Variants in TFDP2 observed in about 807,000 individuals in gnomAD.
TFDP2 encodes transcription factor Dp-2 (E2F dimerization partner 2).
Under a neutral mutation model 59.3 loss-of-function variants are expected in TFDP2, and 17 were observed. The ratio of observed to expected loss-of-function variants is 0.29; its 90% CI spans 0.20 to 0.43. The LOEUF (loss-of-function observed/expected upper bound fraction) is 0.43, where lower values mean the gene tolerates loss of function less well. TFDP2 is among the 20% of genes least tolerant of loss of function. TFDP2 has a pLI of 1.00. For synonymous variants in TFDP2, 180 were observed against 194.7 expected (o/e 0.92, Z 0.63); for missense variants, 391 against 528.8 (o/e 0.74, Z 2.56).
chr3:142,091,356 G>A (rs1345107171), intron 3 of TFDP2, among the ~76,000 whole-genome samples: 1 of 151,974 alleles, frequency 6.6e-6, no homozygotes, highest in Non-Finnish European at 1.5e-5. Context: ...AGGTGTGGTG[G>A]CTTAAACCTG....
At chr3:141,997,444 T>C (rs976270148) in intron 4 of TFDP2, among the ~76,000 whole-genome samples, 5 of 152,156 alleles carry the variant, frequency 3.3e-5, no homozygotes, top group African/African-American at 9.7e-5. Context: ...TCTACAAAGC[T>C]ATTCTAAGCA....
chr3:142,143,812 A>G (rs141946661), intron 1 of TFDP2, among the ~76,000 whole-genome samples: 105 of 152,338 alleles, frequency 6.9e-4, no homozygotes, highest in African/African-American at 2.3e-3. Context: ...GGGAACGTAA[A>G]TTAGTACAAC....
At chr3:142,144,771 G>A (rs2063105786) in intron 1 of TFDP2, among the ~76,000 whole-genome samples, 3 of 152,116 alleles carry the variant, frequency 2.0e-5, no homozygotes, top group East Asian at 3.9e-4. Context: ...GAGCTCCTGG[G>A]CTCAGCAATC....
chr3:142,086,213 T>C (rs1483794385), intron 3 of TFDP2, among the ~76,000 whole-genome samples: 1 of 152,196 alleles, frequency 6.6e-6, no homozygotes, highest in Non-Finnish European at 1.5e-5. Context: ...TTCCAACTCT[T>C]GTACACCATT....
intron 3 of TFDP2, among the ~76,000 whole-genome samples, chr3:142,012,072 G>T (rs1157764396): frequency 2.0e-5 from 3 of 149,166 alleles, no homozygotes; most frequent in African/African-American, 7.4e-5. Context: ...GAGTGCAGTG[G>T]TGTGAGCTTG....
At chr3:142,048,739 A>AT (rs531767280) in intron 3 of TFDP2, among the ~76,000 whole-genome samples, 55 of 151,990 alleles carry the variant, frequency 3.6e-4, no homozygotes, top group African/African-American at 1.3e-3. Flanking sequence ...CTAATTTTTA[A>AT]TTTTTTTGTA....
intron 3 of TFDP2, among the ~76,000 whole-genome samples, chr3:142,039,680 C>G (rs1385170484): frequency 3.3e-5 from 5 of 152,118 alleles, no homozygotes; most frequent in Non-Finnish European, 4.4e-5. Flanking sequence ...CTGCCTAAAG[C>G]TAAGGCTGAA....
chr3:142,038,430 G>C (rs1216863213), intron 3 of TFDP2, among the ~76,000 whole-genome samples: 1 of 142,414 alleles, frequency 7.0e-6, no homozygotes, highest in Non-Finnish European at 1.5e-5. Flanking sequence ...AAATACTGTA[G>C]ATGAGAAGAA....
chr3:142,125,419 C>T (rs1296967497), intron 1 of TFDP2, among the ~76,000 whole-genome samples: 1 of 152,038 alleles, frequency 6.6e-6, no homozygotes, highest in East Asian at 1.9e-4. Context: ...GCAGTGTCAC[C>T]ATATCCAACA....
chr3:141,988,655 C>A (rs993710632), intron 6 of TFDP2, among the ~76,000 whole-genome samples: 19 of 148,046 alleles, frequency 1.3e-4, no homozygotes, highest in African/African-American at 4.7e-4. Flanking sequence ...CTGTTTTTAG[C>A]AATCTTTTCT....
chr3:142,038,950 T>C (rs568089868), intron 3 of TFDP2, among the ~76,000 whole-genome samples: 16 of 152,322 alleles, frequency 1.1e-4, no homozygotes, highest in Admixed American at 5.9e-4. Context: ...TTTACTTTAT[T>C]AAGATAAATC....
At chr3:142,145,924 G>A (rs2063156657) in intron 1 of TFDP2, among the ~76,000 whole-genome samples, 1 of 152,142 alleles carries the variant, frequency 6.6e-6, no homozygotes, top group Non-Finnish European at 1.5e-5. Context: ...ATATGAGGTA[G>A]ATGATGATTA....
At chr3:142,078,097 G>A (rs145888375) in intron 3 of TFDP2, among the ~76,000 whole-genome samples, 2 of 152,170 alleles carry the variant, frequency 1.3e-5, no homozygotes, top group Non-Finnish European at 2.9e-5. Context: ...TCTGCCTGTG[G>A]AAAGGGGAGA....
chr3:142,095,944 A>T (rs1000629890), intron 2 of TFDP2, among the ~76,000 whole-genome samples: 1 of 152,222 alleles, frequency 6.6e-6, no homozygotes, highest in South Asian at 2.1e-4. Flanking sequence ...CCTTTTTGTT[A>T]TTATACAACC....
chr3:142,108,722 ATCTTTAATGTTG>A, intron 1 of TFDP2, among the ~76,000 whole-genome samples: 1 of 152,228 alleles, frequency 6.6e-6, no homozygotes, highest in Non-Finnish European at 1.5e-5. Flanking sequence ...AATGACTCAA[ATCTTTAATGTTG>A]TCTAGGATGC....
rs1300046224 is a variant in TFDP2, at chr3:141,950,471, A to C, written c.*2042T>G. 6.6e-6 allele frequency: 1 copy of C among 152,558 alleles called. No individual in the cohort carries two copies. Among genetic ancestry groups the C allele is most frequent in the East Asian group, 1.9e-4 (1 of 5,184 alleles). 9.5% of individuals were successfully genotyped at this position (152,558 alleles called of 1,614,324 possible). On this transcript the variant is annotated 3_prime_UTR_variant, in exon 13 of 13. Transcript: ENST00000489671. ...AATTTAAAGCATGAGAGCAGCAGAG[A>C]TGGAGAGTAGAGAAAAAAACAGGTT...
chr3:142,040,429 A>T (rs1946904752), intron 3 of TFDP2, among the ~76,000 whole-genome samples: 3 of 146,056 alleles, frequency 2.1e-5, no homozygotes, highest in South Asian at 2.2e-4. Flanking sequence ...ATCTCTACAA[A>T]TTTTTTTTTT....
At chr3:141,971,751 G>A (rs1361111206) in intron 8 of TFDP2, among the ~76,000 whole-genome samples, 1 of 152,170 alleles carries the variant, frequency 6.6e-6, no homozygotes, top group Non-Finnish European at 1.5e-5. Context: ...TGGCATAAGA[G>A]AGTCTTCTCT....
intron 3 of TFDP2, among the ~76,000 whole-genome samples, chr3:142,072,861 T>C (rs1287963995): frequency 6.6e-6 from 1 of 152,172 alleles, no homozygotes; most frequent in Non-Finnish European, 1.5e-5. Flanking sequence ...CTAATTGGTG[T>C]AAATGTTAAT....
Sources: gnomAD v4.1 joint callset for allele counts (sites outside exome capture counted in the v4.1 genomes callset) on GRCh38, gnomAD v4.1.1 for gene constraint, MANE v1.5 for transcripts, NCBI Gene and HGNC (gene_info 2026-07-23, HGNC 2026-07-21) for gene names.